The following NXPE2 variants were observed in gnomAD, a reference collection of about 807,000 sequenced individuals.
NXPE2 encodes the protein neurexophilin and PC-esterase domain family member 2, also known as NXPE family member 2.
A neutral mutation model predicts 34.4 loss-of-function variants in NXPE2; 34 were observed. The ratio of observed to expected loss-of-function variants is 0.99; its 90% CI spans 0.75 to 1.31. The LOEUF (loss-of-function observed/expected upper bound fraction) is 1.31. NXPE2 is among the 40% of genes most tolerant of loss of function. The pLI, the probability that NXPE2 is intolerant of heterozygous loss-of-function variation, is 0.00. For missense variants in NXPE2, 649 were observed against 672.5 expected (o/e 0.97, Z 0.39); for synonymous variants, 235 against 231.3 (o/e 1.02, Z -0.15).
chr11:114,629,678 A>C, the NXPE2 span, among the ~76,000 whole-genome samples: 1 of 152,052 alleles, frequency 6.6e-6, no homozygotes, highest in Admixed American at 6.6e-5. Flanking sequence ...CAGGGCAATT[A>C]CATAGGAGAA....
At chr11:114,784,323 T>A in the NXPE2 span, among the ~76,000 whole-genome samples, 7 of 150,600 alleles carry the variant, frequency 4.6e-5, no homozygotes, top group African/African-American at 1.2e-4. Flanking sequence ...CAGCCCTGCA[T>A]TTTTTTTTCC....
At chr11:114,528,928 C>A in the NXPE2 span, 1 of 502,762 alleles carries the variant, frequency 2.0e-6, no homozygotes, top group Non-Finnish European at 3.7e-6. Context: ...GATGTACCAT[C>A]AGAGATAAAA....
chr11:114,707,689 C>G (rs1422470758), downstream of NXPE2: 1 of 161,646 alleles, frequency 6.2e-6, no homozygotes, highest in African/African-American at 2.4e-5. Flanking sequence ...TAAACAATAA[C>G]TCCCCATTCG....
chr11:114,625,386 C>A, the NXPE2 span, among the ~76,000 whole-genome samples: 2 of 151,640 alleles, frequency 1.3e-5, no homozygotes, highest in Non-Finnish European at 1.5e-5. Flanking sequence ...CACTGTTACC[C>A]AGTGGATAAT....
At chr11:114,698,857 A>G in intron 3 of NXPE2, 79 bp downstream of exon 3, 1 of 1,312,650 alleles carries the variant, frequency 7.6e-7, no homozygotes, top group Non-Finnish European at 1.0e-6. Flanking sequence ...GCCTAATCAA[A>G]CTTTTGTATC....
chr11:114,612,975 C>T, the NXPE2 span, among the ~76,000 whole-genome samples: 8 of 150,052 alleles, frequency 5.3e-5, no homozygotes, highest in South Asian at 6.4e-4. Context: ...TGTTGCCTTG[C>T]GAGTAACCAC....
chr11:114,738,791 C>G, the NXPE2 span, among the ~76,000 whole-genome samples: 3 of 152,122 alleles, frequency 2.0e-5, no homozygotes, highest in East Asian at 1.9e-4. Flanking sequence ...TCATGCCCCC[C>G]ACCTTATGCT....
the NXPE2 span, among the ~76,000 whole-genome samples, chr11:114,560,407 G>A: frequency 2.6e-5 from 4 of 151,560 alleles, no homozygotes; most frequent in African/African-American, 7.3e-5. Flanking sequence ...GGCTACAGGT[G>A]CATGCTGCCA....
chr11:114,721,503 C>A, the NXPE2 span, among the ~76,000 whole-genome samples: 1 of 152,050 alleles, frequency 6.6e-6, no homozygotes, highest in Non-Finnish European at 1.5e-5. Flanking sequence ...GGAGCCTGAG[C>A]ACACCTGCAT....
chr11:114,601,826 A>T, the NXPE2 span, among the ~76,000 whole-genome samples: 1 of 71,280 alleles, frequency 1.4e-5, no homozygotes, highest in Non-Finnish European at 2.3e-5. Flanking sequence ...TATATATAAT[A>T]TATAATTATA....
chr11:114,748,211 AG>A, the NXPE2 span, among the ~76,000 whole-genome samples: 1 of 152,172 alleles, frequency 6.6e-6, no homozygotes, highest in African/African-American at 2.4e-5. Context: ...GAAAATTTGC[AG>A]GTATGGTACA....
chr11:114,616,947 G>C, the NXPE2 span, among the ~76,000 whole-genome samples: 1 of 146,674 alleles, frequency 6.8e-6, no homozygotes, highest in Non-Finnish European at 1.5e-5. Context: ...TTGCCTTGTG[G>C]GTATCCACTC....
chr11:114,506,355 C>T, the NXPE2 span, among the ~76,000 whole-genome samples: 1 of 152,102 alleles, frequency 6.6e-6, no homozygotes, highest in Non-Finnish European at 1.5e-5. Context: ...TATTCAGGAA[C>T]TGAACTCAGC....
At chr11:114,662,186 C>G in the NXPE2 span, among the ~76,000 whole-genome samples, 1 of 152,066 alleles carries the variant, frequency 6.6e-6, no homozygotes, top group East Asian at 1.9e-4. Context: ...CCATCAACCC[C>G]CAGCATTGGT....
At chr11:114,728,441 G>A in the NXPE2 span, among the ~76,000 whole-genome samples, 1 of 152,012 alleles carries the variant, frequency 6.6e-6, no homozygotes, top group African/African-American at 2.4e-5. Flanking sequence ...TTTTGTTGGT[G>A]TTAATAATTA....
At chr11:114,746,050 A>G in the NXPE2 span, among the ~76,000 whole-genome samples, 1 of 152,178 alleles carries the variant, frequency 6.6e-6, no homozygotes, top group Admixed American at 6.5e-5. Flanking sequence ...AGTATATTTT[A>G]TGTTTCAGAA....
chr11:114,545,157 A>C, the NXPE2 span, among the ~76,000 whole-genome samples: 25 of 152,206 alleles, frequency 1.6e-4, no homozygotes, highest in Admixed American at 9.2e-4. Flanking sequence ...CACTTTGATA[A>C]TATCTTATAA....
the NXPE2 span, among the ~76,000 whole-genome samples, chr11:114,617,348 A>G: frequency 5.3e-5 from 8 of 152,102 alleles, 1 homozygote; most frequent in Admixed American, 3.9e-4. Context: ...CTGGTGGATA[A>G]TAAGTATTAC....
chr11:114,527,840 T>C, the NXPE2 span: 139 of 1,604,968 alleles, frequency 8.7e-5, no homozygotes, highest in Middle Eastern at 6.6e-4. Context: ...GCCAACTTAC[T>C]GTTACAATTA....
Sources: gnomAD v4.1 joint callset for allele counts (sites outside exome capture counted in the v4.1 genomes callset) on GRCh38, gnomAD v4.1.1 for gene constraint, MANE v1.5 for transcripts, NCBI Gene and HGNC (gene_info 2026-07-23, HGNC 2026-07-21) for gene names.